Variants in SIGLECL1 observed in about 807,000 individuals in gnomAD.
The protein encoded by SIGLECL1 is SIGLEC family-like protein 1.
Under a neutral mutation model 19.1 loss-of-function variants are expected in SIGLECL1, and 16 were observed. The ratio of observed to expected loss-of-function variants is 0.84; its 90% CI spans 0.57 to 1.27. The LOEUF is 1.27. SIGLECL1 is among the 50% of genes most tolerant of loss of function. The pLI, the probability that SIGLECL1 is intolerant of heterozygous loss-of-function variation, is 0.00. For missense variants in SIGLECL1, 210 were observed against 239.4 expected, an observed-to-expected ratio of 0.88 and a Z score of 0.81; for synonymous variants, 89 against 90.4, an observed-to-expected ratio of 0.98 and a Z score of 0.09.
intron 1 of SIGLECL1, chr19:51,256,179 ACCAGTAT>A (rs1177350726): frequency 6.6e-6 from 1 of 152,150 alleles, no homozygotes; most frequent in Non-Finnish European, 1.5e-5. Flanking sequence ...CCCAGCCAGT[ACCAGTAT>A]CTGTGTGGAG....
chr19:51,255,930 C>T (rs1319401323), intron 1 of SIGLECL1: 2 of 152,154 alleles, frequency 1.3e-5, no homozygotes, highest in African/African-American at 4.8e-5. Flanking sequence ...AATCCCACTT[C>T]TAGGCATGTA....
At chr19:51,256,440 T>C (rs1982815420) in intron 1 of SIGLECL1, among the ~76,000 whole-genome samples, 1 of 152,146 alleles carries the variant, frequency 6.6e-6, no homozygotes, top group African/African-American at 2.4e-5. Context: ...TACTGCATGA[T>C]CTCACTTATA....
At chr19:51,262,957 G>A (rs1983342877) in intron 1 of SIGLECL1, among the ~76,000 whole-genome samples, 1 of 152,166 alleles carries the variant, frequency 6.6e-6, no homozygotes, top group South Asian at 2.1e-4. Context: ...ACAGTGCAGT[G>A]GCGTGATCAC....
intron 1 of SIGLECL1, among the ~76,000 whole-genome samples, chr19:51,257,045 G>A (rs1982854900): frequency 6.6e-6 from 1 of 152,086 alleles, no homozygotes; most frequent in East Asian, 1.9e-4. Context: ...TAAAGATTGT[G>A]AAATATTTCA....
At chr19:51,248,085 A>G (rs1352690977), upstream of SIGLECL1, among the ~76,000 whole-genome samples, 1 of 152,162 alleles carries the variant, frequency 6.6e-6, no homozygotes, top group African/African-American at 2.4e-5. Context: ...GTTTCTAACA[A>G]AGAGCAGCCT....
At position 51,265,664 on chromosome 19, in the gene SIGLECL1, G is replaced by A. The variant is rs765214386; in HGVS notation, c.304+15G>A. ...ACTGATGTCAAGTGAGGGTGGAGGG[G>A]GCTCGGTGACTGGGTGAGGACAATA... On this transcript the variant is annotated intron_variant, in intron 3 of 5. Coordinates refer to ENST00000601727, the MANE Select transcript of SIGLECL1 (RefSeq NM_001385465.1). 1.2e-6 allele frequency: 2 copies of A among 1,611,556 alleles called. No homozygotes were observed. Among genetic ancestry groups the A allele is most frequent in the Middle Eastern group, 1.7e-4 (1 of 6,052 alleles).
At chr19:51,263,840 G>C (rs901172509) in intron 1 of SIGLECL1, 43 bp from the exon 2 acceptor site, 2 of 466,146 alleles carry the variant, frequency 4.3e-6, no homozygotes, top group Non-Finnish European at 7.7e-6. Context: ...CTGTCCGTAC[G>C]TGCTCATGAG....
upstream of SIGLECL1, among the ~76,000 whole-genome samples, chr19:51,250,134 TG>T (rs968480922): frequency 6.6e-6 from 1 of 151,878 alleles, no homozygotes; most frequent in African/African-American, 2.4e-5. Flanking sequence ...TTGCCCAGGC[TG>T]GAGTGCAGTG....
At chr19:51,257,992 G>C (rs1982933870) in intron 1 of SIGLECL1, 1 of 152,226 alleles carries the variant, frequency 6.6e-6, no homozygotes, top group Admixed American at 6.5e-5. Flanking sequence ...ACAGGGAGAG[G>C]ATAACTAGAA....
At chr19:51,259,732 T>C (rs1385587654) in intron 1 of SIGLECL1, among the ~76,000 whole-genome samples, 1 of 152,226 alleles carries the variant, frequency 6.6e-6, no homozygotes, top group African/African-American at 2.4e-5. Context: ...AAGAGTCTCG[T>C]AATAAAATGG....
At position 51,267,440 on chromosome 19, in the gene SIGLECL1, G is replaced by C. The variant is rs771725419; in HGVS notation, c.478G>C (p.Val160Leu). 1 of 1,614,172 alleles carries C rather than the reference G, an allele frequency of 6.2e-7. No individual in the cohort carries two copies. The highest frequency in any genetic ancestry group is 8.5e-7 in the Non-Finnish European group (1 of 1,180,034). ...AAIRAKKSSK[V>L]RASQELEMSL... ...GATCAGAGCAAAAAAGAGCTCTAAA[G>C]TCAGAGCAAGCCAAGAACTTGAGAT... is the stretch of plus-strand genomic sequence containing the variant. The change falls in exon 5 of 6, where the codon GTC (valine) becomes CTC (leucine). Residue 160 changes from valine to leucine, a missense_variant. Coordinates refer to ENST00000601727, the MANE Select transcript of SIGLECL1 (RefSeq NM_001385465.1).
chr19:51,265,977 C>A, intron 4 of SIGLECL1, 95 bp downstream of exon 4: 1 of 1,222,820 alleles, frequency 8.2e-7, no homozygotes, highest in Non-Finnish European at 1.2e-6. Context: ...GGACCCCTCC[C>A]CTCAAGGAGC....
chr19:51,267,802 A>G (rs1983788977), intron 5 of SIGLECL1, among the ~76,000 whole-genome samples: 3 of 152,350 alleles, frequency 2.0e-5, no homozygotes, highest in Middle Eastern at 3.4e-3. Context: ...GCAGTTGGGG[A>G]AAATCCTAAT....
At chr19:51,255,382 A>C (rs1982738842) in intron 1 of SIGLECL1, among the ~76,000 whole-genome samples, 1 of 152,196 alleles carries the variant, frequency 6.6e-6, no homozygotes, top group South Asian at 2.1e-4. Flanking sequence ...TTGGTTTGGG[A>C]AATAGTTATT....
chr19:51,268,360 T>C (rs1445381634), intron 5 of SIGLECL1, among the ~76,000 whole-genome samples: 1 of 152,022 alleles, frequency 6.6e-6, no homozygotes, highest in Non-Finnish European at 1.5e-5. Flanking sequence ...GTCAGTGTTA[T>C]GGGTACTGAA....
chr19:51,268,168 CA>C (rs1422823855), intron 5 of SIGLECL1, among the ~76,000 whole-genome samples: 1 of 152,178 alleles, frequency 6.6e-6, no homozygotes, highest in Non-Finnish European at 1.5e-5. Context: ...TTGTGCTCGA[CA>C]ATGCTGGGGT....
Position 51,268,701 on chromosome 19 carries a change from C to T in SIGLECL1, c.*104C>T. On this transcript the variant is annotated 3_prime_UTR_variant, in exon 6 of 6. Transcript: ENST00000601727. ...AGAAACCCTGGAGGCTGTAATAAAC[C>T]TGGAGCCCCCTGGACTCTCCTCAGC... is the stretch of plus-strand genomic sequence containing the variant. 2 of 1,090,690 alleles carry T rather than the reference C, an allele frequency of 1.8e-6. No homozygotes were observed. Among genetic ancestry groups the T allele is most frequent in the African/African-American group, 3.1e-5 (2 of 63,576 alleles). 67.6% of individuals were successfully genotyped at this position (1,090,690 alleles called of 1,614,324 possible).
intron 1 of SIGLECL1, among the ~76,000 whole-genome samples, chr19:51,254,313 G>A (rs1982671486): frequency 6.6e-6 from 1 of 150,524 alleles, no homozygotes; most frequent in African/African-American, 2.5e-5. Context: ...AGGGTGACAG[G>A]GTGAGACTCC....
At chr19:51,246,681 G>A (rs1042077371), upstream of SIGLECL1, among the ~76,000 whole-genome samples, 5 of 151,994 alleles carry the variant, frequency 3.3e-5, no homozygotes, top group African/African-American at 9.7e-5. Flanking sequence ...TCTGGGCCTT[G>A]AGCATAACAA....
Sources: allele counts gnomAD v4.1 joint callset (sites outside exome capture counted in the v4.1 genomes callset), GRCh38; gene constraint gnomAD v4.1.1; transcripts MANE v1.5; gene names NCBI Gene and HGNC (gene_info 2026-07-23, HGNC 2026-07-21).